Variants in ZNF507 observed in about 807,000 individuals in gnomAD.
ZNF507 encodes the protein zinc finger protein 507.
In ZNF507, 29 loss-of-function variants were observed where a neutral mutation model predicts 80.0. The ratio of observed to expected loss-of-function variants is 0.36; its 90% CI spans 0.27 to 0.49. ZNF507 has a LOEUF of 0.49. Among genes scored for constraint, ZNF507 ranks in the 20% least tolerant of loss-of-function variants. ZNF507 has a pLI of 0.98. For synonymous variants in ZNF507, 462 were observed against 422.5 expected (o/e 1.09, Z -1.15); for missense variants, 1,081 against 1,152.2 (o/e 0.94, Z 0.90).
rs776565388 is a variant in ZNF507, at chr19:32,353,306, A to C, written c.476A>C (p.Glu159Ala). 1 of 1,614,258 alleles carries C rather than the reference A, an allele frequency of 6.2e-7. No individual in the cohort carries two copies. The highest frequency in any genetic ancestry group is 8.5e-7 in the Non-Finnish European group (1 of 1,180,054). Reference protein sequence around the residue: ...QQNEVILMCSECHITSRSQEE... With the variant: ...QQNEVILMCSACHITSRSQEE... The stretch of plus-strand genomic sequence containing the variant: ...AATGAAGTGATACTGATGTGCTCAG[A>C]GTGCCATATTACATCTAGAAGCCAG... The change falls in exon 3 of 7, where the codon GAG becomes GCG. Residue 159 changes from glutamate to alanine, a missense_variant. Glu to Ala is a moderately radical substitution (Grantham distance 107). Coordinates refer to ENST00000355898, the MANE Select transcript of ZNF507 (RefSeq NM_001136156.2).
rs1159092275 is a variant in ZNF507 at position 32,385,073 on chromosome 19, AAATC to A, written c.*1993_*1996del. The A allele has an allele frequency of 1.9e-4, 29 of 152,218 alleles. No individual in the cohort carries two copies. The highest frequency in any genetic ancestry group is 2.9e-5 in the Non-Finnish European group (2 of 68,040). 9.4% of individuals were successfully genotyped at this position (152,218 alleles called of 1,614,324 possible). A position where few individuals can be genotyped will look rare whatever the true frequency, so the allele number is the denominator to read the frequency against. ...TCTTTATAAAAATCTGTTGTTCTGA[AAATC>A]AACAACCTTAGAAGGATTTTGTCTT... On this transcript the variant is annotated 3_prime_UTR_variant, in exon 7 of 7. Transcript: ENST00000355898.
At chr19:32,373,017 G>A (rs1332661220) in intron 5 of ZNF507, among the ~76,000 whole-genome samples, 1 of 152,170 alleles carries the variant, frequency 6.6e-6, no homozygotes, top group Non-Finnish European at 1.5e-5. Context: ...TCTGATGAGG[G>A]CCTGCTCCCT....
chr19:32,374,164 C>G (rs1255369360), intron 5 of ZNF507, among the ~76,000 whole-genome samples: 1 of 49,804 alleles, frequency 2.0e-5, no homozygotes, highest in African/African-American at 1.2e-4. Context: ...CCGTGCAAAG[C>G]AAGGAACACA....
intron 2 of ZNF507, among the ~76,000 whole-genome samples, chr19:32,347,787 A>G (rs1967114999): frequency 6.6e-6 from 1 of 152,254 alleles, no homozygotes; most frequent in South Asian, 2.1e-4. Flanking sequence ...AATAAATGAC[A>G]GTAAATCTGA....
At chr19:32,380,946 A>G (rs911847464) in intron 5 of ZNF507, among the ~76,000 whole-genome samples, 3 of 152,174 alleles carry the variant, frequency 2.0e-5, no homozygotes, top group African/African-American at 7.2e-5. Context: ...AAACAAAACA[A>G]CTTTGCACAT....
chr19:32,346,766 T>C (rs570447868), intron 1 of ZNF507, among the ~76,000 whole-genome samples: 1 of 152,334 alleles, frequency 6.6e-6, no homozygotes, highest in Admixed American at 6.5e-5. Flanking sequence ...GGCAAAGAAA[T>C]GTAGGACCAG....
chr19:32,347,668 A>T (rs940729694), intron 2 of ZNF507, among the ~76,000 whole-genome samples: 1 of 151,940 alleles, frequency 6.6e-6, no homozygotes. Context: ...TTTGAATATT[A>T]CACAAAATCT....
At position 32,356,621 on chromosome 19, in the gene ZNF507, A is replaced by G. The variant is rs140857755; in HGVS notation, c.2133A>G (p.Gln711=). 196 of 1,612,610 alleles carry G rather than the reference A, an allele frequency of 1.2e-4. No individual in the cohort carries two copies. Among genetic ancestry groups the G allele is most frequent in the East Asian group, 9.4e-4 (42 of 44,856 alleles). Residue 711 remains glutamine, a synonymous_variant, in exon 4 of 7, where the codon CAA becomes CAG. Coordinates refer to ENST00000355898, the MANE Select transcript of ZNF507 (RefSeq NM_001136156.2). ...QCEESFHYKS[Q]LRNHEREQHS... is the part of the protein sequence containing the mutation. ...TATTTCTTTCCACTTTTTAGAGTCA[A>G]TTGAGGAACCATGAGAGAGAACAGC...
intron 5 of ZNF507, among the ~76,000 whole-genome samples, chr19:32,365,212 G>GT (rs1402379723): frequency 6.6e-6 from 1 of 152,044 alleles, no homozygotes; most frequent in African/African-American, 2.4e-5. Flanking sequence ...CTACTGATTT[G>GT]TTTGAGTTCA....
intron 5 of ZNF507, among the ~76,000 whole-genome samples, chr19:32,380,322 C>T (rs1292481195): frequency 6.6e-6 from 1 of 151,920 alleles, no homozygotes; most frequent in Admixed American, 6.6e-5. Context: ...CACCACTGCA[C>T]TCAAGCCTGG....
intron 5 of ZNF507, among the ~76,000 whole-genome samples, chr19:32,366,200 C>T (rs1568306824): frequency 6.6e-6 from 1 of 152,090 alleles, no homozygotes; most frequent in African/African-American, 2.4e-5. Context: ...TCCCTCCCTC[C>T]CTCTAAATTT....
chr19:32,369,129 T>C (rs1967436807), intron 5 of ZNF507, among the ~76,000 whole-genome samples: 1 of 152,250 alleles, frequency 6.6e-6, no homozygotes. Flanking sequence ...ACATTGGCTT[T>C]CTTTGGGTTG....
chr19:32,368,580 A>G lies in ZNF507; in HGVS notation c.2360+7962A>G, dbSNP rs547233785. Among the ~76,000 whole-genome samples the G allele has an allele frequency of 8.5e-5, 13 of 152,332 alleles. No homozygotes were observed. The East Asian group carries it at 2.1e-3, about 25-fold the overall frequency. On this transcript the variant is annotated intron_variant, in intron 5 of 6. Coordinates refer to ENST00000355898, the MANE Select transcript of ZNF507 (RefSeq NM_001136156.2). ...TGTAGGCATCGTGATTCTTTAGTCA[A>G]TGTGTTGGCTTAGGGAAAAACTTAA...
At chr19:32,376,624 A>G (rs1314552037) in intron 5 of ZNF507, among the ~76,000 whole-genome samples, 1 of 152,252 alleles carries the variant, frequency 6.6e-6, no homozygotes, top group Non-Finnish European at 1.5e-5. Context: ...CCAGCCCCAC[A>G]TGATCGGTGG....
intron 5 of ZNF507, among the ~76,000 whole-genome samples, chr19:32,380,201 C>T (rs1416580488): frequency 1.3e-5 from 2 of 152,030 alleles, no homozygotes; most frequent in Admixed American, 6.6e-5. Context: ...TCAAGAATTG[C>T]CTATTTAGGC....
rs749161450 is a variant in ZNF507, at chr19:32,383,692, T to G, written c.*609T>G. On this transcript the variant is annotated 3_prime_UTR_variant, in exon 7 of 7. Transcript: ENST00000355898. ...TACTCCTTAAAAAAGAAAGGAAAGA[T>G]CTCTAAATTCAAAGCTAGATTGTAA... 1 of 152,198 alleles carries G rather than the reference T, an allele frequency of 6.6e-6. No homozygotes were observed. Among genetic ancestry groups the G allele is most frequent in the South Asian group, 2.1e-4 (1 of 4,826 alleles). The allele number at this position is 152,198 out of a possible 1,614,324, so 9.4% of individuals were successfully genotyped here.
Position 32,382,888 on chromosome 19 carries a change from C to A in ZNF507, c.2667C>A (p.Thr889=). The change falls in exon 7 of 7, where the codon ACC becomes ACA. Residue 889 remains threonine (T), a synonymous_variant. Transcript: ENST00000355898. ...AGAAACTGAGCCCTACAAGTAATAC[C>A]TCATATAGTTTAGAAAAAATCTCCA... ...ENEKLSPTSN[T]SYSLEKISSL... is the part of the protein sequence containing the mutation. 6.2e-7 allele frequency: 1 copy of A among 1,614,054 alleles called. No homozygotes were observed.
At chr19:32,355,278 G>A (rs1261159538) in intron 3 of ZNF507, among the ~76,000 whole-genome samples, 1 of 151,954 alleles carries the variant, frequency 6.6e-6, no homozygotes, top group Non-Finnish European at 1.5e-5. Context: ...TTGACTTAAC[G>A]TATTGACATA....
chr19:32,383,132 C>A lies in ZNF507; in HGVS notation c.*49C>A. On this transcript the variant is annotated 3_prime_UTR_variant, in exon 7 of 7. Transcript: ENST00000355898. ...AAGCAGTAGAAGAGGATTCCTTCAC[C>A]ACAGTTTCACCTTTACGCTGTCAGA... is the stretch of plus-strand genomic sequence containing the variant. 1 of 1,570,742 alleles carries A rather than the reference C, an allele frequency of 6.4e-7. No individual in the cohort carries two copies. The highest frequency in any genetic ancestry group is 8.6e-7 in the Non-Finnish European group (1 of 1,156,332).
Sources: allele counts gnomAD v4.1 joint callset (sites outside exome capture counted in the v4.1 genomes callset), GRCh38; gene constraint gnomAD v4.1.1; transcripts MANE v1.5; gene names NCBI Gene and HGNC (gene_info 2026-07-23, HGNC 2026-07-21).